The following NLRP1 variants were observed in gnomAD, a reference collection of about 807,000 sequenced individuals.
The protein encoded by NLRP1 is NACHT, LRR and PYD domains-containing protein 1.
NLRP1 carries 94 observed loss-of-function variants against 136.7 expected under a neutral mutation model. That is an observed-to-expected ratio of 0.69 (90% CI 0.58 to 0.82). The LOEUF is 0.82. Ranked by LOEUF, NLRP1 falls within the 40% of genes least tolerant of loss-of-function variation. The pLI is 0.00. For synonymous variants in NLRP1, 690 were observed against 725.1 expected (o/e 0.95, Z 0.78); for missense variants, 1,575 against 1,802.7 (o/e 0.87, Z 2.29).
At position 5,570,781 on chromosome 17, in the gene NLRP1, T is replaced by C. The variant is rs548309562; in HGVS notation, c.653-10738A>G. On this transcript the variant is annotated intron_variant, in intron 3 of 16. Transcript: ENST00000572272. ...TTCTATGAGTTTGGTATCATTCTGATACCGAAACCTGGCAGAGACACAACA... is the reference window on the plus strand; with the variant it reads ...TTCTATGAGTTTGGTATCATTCTGACACCGAAACCTGGCAGAGACACAACA... 2.6e-5 allele frequency among the ~76,000 whole-genome samples: 4 copies of C among 152,224 alleles called. No individual in the cohort carries two copies. In the South Asian group the frequency reaches 8.3e-4, roughly 32 times the overall value.
At chr17:5,518,711 A>T (rs1422441169) in intron 14 of NLRP1, 1 of 147,710 alleles carries the variant, frequency 6.8e-6, no homozygotes. Context: ...TTCATTTTTC[A>T]TAGAGATGAG....
At chr17:5,519,801 C>T (rs576156888) in intron 14 of NLRP1, among the ~76,000 whole-genome samples, 5 of 148,564 alleles carry the variant, frequency 3.4e-5, no homozygotes, top group Admixed American at 6.8e-5. Flanking sequence ...GCTTATCATT[C>T]GTTCTCACCC....
chr17:5,553,434 C>T lies in NLRP1; in HGVS notation c.2480G>A (p.Ser827Asn). The change falls in exon 5 of 17, where the codon AGT becomes AAT. Residue 827 changes from serine (S) to asparagine (N), a missense_variant. Ser to Asn is a conservative substitution (Grantham distance 46). Coordinates refer to ENST00000572272, the MANE Select transcript of NLRP1 (RefSeq NM_033004.4). ...AGGGCGTCTCAGGGTCTTACAAAGA[C>T]TCTTCACTGCAGAGTGGCTCAGCGA... ...GNSLSHSAVK[S>N]LCKTLRRPRC... 6.2e-7 allele frequency: 1 copy of T among 1,614,160 alleles called. No individual in the cohort carries two copies. Among genetic ancestry groups the T allele is most frequent in the Non-Finnish European group, 8.5e-7 (1 of 1,179,994 alleles).
At position 5,504,884 on chromosome 17, in the gene NLRP1, T is replaced by C. The variant is rs1907260523; in HGVS notation, c.4070-3012A>G. 1 of 153,232 alleles carries C rather than the reference T, an allele frequency of 6.5e-6. No homozygotes were observed. Among genetic ancestry groups the C allele is most frequent in the Non-Finnish European group, 1.5e-5 (1 of 68,264 alleles). 9.5% of individuals were successfully genotyped at this position (153,232 alleles called of 1,614,324 possible). On this transcript the variant is annotated intron_variant, in intron 15 of 15. Transcript: ENST00000262467. This position sits in a 1 kb window ranked among gnomAD's most constrained non-coding sequence, Gnocchi z 4.4. ...AGGCAAAATTCACAAAGGCCACTTT[T>C]AGCTCGAAGTGTTCATGCCCAGCTG...
chr17:5,555,589 G>C (rs1913946931), intron 4 of NLRP1, among the ~76,000 whole-genome samples: 1 of 151,968 alleles, frequency 6.6e-6, no homozygotes, highest in South Asian at 2.1e-4. Context: ...GCCTCTAGCT[G>C]CTTGGAACTC....
In NLRP1 at chr17:5,560,001, G is replaced by C. The variant is rs1280920953; in HGVS notation, c.695C>G (p.Pro232Arg). The C allele has an allele frequency of 1.3e-6, 2 of 1,585,544 alleles. No individual in the cohort carries two copies. The highest frequency in any genetic ancestry group is 1.7e-6 in the Non-Finnish European group (2 of 1,168,456). Reference protein sequence around the residue: ...REREKSEKGRPPWAAVVGTPP... With the variant: ...REREKSEKGRRPWAAVVGTPP... ...CGTTCCTACCACCGCTGCCCATGGGGGCCTGCCTTTCTCTGATTTCTCTCT... is the reference window on the plus strand; with the variant it reads ...CGTTCCTACCACCGCTGCCCATGGGCGCCTGCCTTTCTCTGATTTCTCTCT... Residue 232 changes from proline (P) to arginine (R), a missense_variant, in exon 4 of 17, where the codon CCC becomes CGC. Coordinates refer to ENST00000572272, the MANE Select transcript of NLRP1 (RefSeq NM_033004.4).
chr17:5,523,376 G>A (rs961743283), intron 12 of NLRP1, among the ~76,000 whole-genome samples: 1 of 152,140 alleles, frequency 6.6e-6, no homozygotes, highest in Non-Finnish European at 1.5e-5. Context: ...TACAGTAGCT[G>A]TCTCCGTATT....
At chr17:5,581,038 T>G (rs1295190271) in intron 3 of NLRP1, among the ~76,000 whole-genome samples, 1 of 152,240 alleles carries the variant, frequency 6.6e-6, no homozygotes, top group Non-Finnish European at 1.5e-5. Context: ...TAAACTGATA[T>G]ACTTTGAGCC....
intron 16 of NLRP1, 135 bp from the exon 17 acceptor site, chr17:5,515,208 G>T: frequency 2.2e-6 from 2 of 904,564 alleles, no homozygotes; most frequent in Non-Finnish European, 3.4e-6. Context: ...CCTCATGGCA[G>T]CATCTAGCTT....
chr17:5,558,882 A>G lies in NLRP1; in HGVS notation c.1814T>C (p.Leu605Ser), dbSNP rs772509197. ...GLDGAIISTF[L>S]KMGILQEHPI... ...GTGCTCTTGAAGAATACCCATCTTCAAGAAGGTGGAGATGATGGCCCCATC... is the reference window on the plus strand; with the variant it reads ...GTGCTCTTGAAGAATACCCATCTTCGAGAAGGTGGAGATGATGGCCCCATC... The change falls in exon 4 of 17, where the codon TTG becomes TCG. Residue 605 changes from leucine (L) to serine (S), a missense_variant. Physicochemically the swap from Leu to Ser is moderately radical, Grantham distance 145. Coordinates refer to ENST00000572272, the MANE Select transcript of NLRP1 (RefSeq NM_033004.4). 2 of 1,614,062 alleles carry G rather than the reference A, an allele frequency of 1.2e-6. No homozygotes were observed. Among genetic ancestry groups the G allele is most frequent in the Admixed American group, 1.7e-5 (1 of 60,026 alleles).
chr17:5,517,662 A>G (rs1310127088), intron 15 of NLRP1, 84 bp downstream of exon 15: 16 of 1,501,050 alleles, frequency 1.1e-5, no homozygotes, highest in Non-Finnish European at 1.5e-5. Flanking sequence ...CTGGGATTAC[A>G]GGCGTGAGCC....
rs1905957779 is a variant in NLRP1, at chr17:5,583,634, G to A, written c.271+53C>T. 4 of 1,518,128 alleles carry A rather than the reference G, an allele frequency of 2.6e-6. No individual in the cohort carries two copies. The highest frequency in any genetic ancestry group is 2.5e-5 in the South Asian group (2 of 79,986). 94.0% of individuals were successfully genotyped at this position (1,518,128 alleles called of 1,614,324 possible). A position where few individuals can be genotyped will look rare whatever the true frequency, so the allele number is the denominator to read the frequency against. On this transcript the variant is annotated intron_variant, in intron 1 of 16. Coordinates refer to ENST00000572272, the MANE Select transcript of NLRP1 (RefSeq NM_033004.4). The surrounding 1 kb of genome is among the most constrained non-coding windows in gnomAD (Gnocchi z 4.5). ...GGTGGGGTCCCAAGAGGGCAGGGCA[G>A]GCATGAGGGCCAGGGGATGTCCCGC...
chr17:5,558,956 C>G lies in NLRP1; in HGVS notation c.1740G>C (p.Trp580Cys), dbSNP rs1434906509. 5.6e-6 allele frequency: 9 copies of G among 1,613,866 alleles called. No individual in the cohort carries two copies. The highest frequency in any genetic ancestry group is 7.6e-6 in the Non-Finnish European group (9 of 1,179,980). Residue 580 changes from tryptophan (W) to cysteine (C), a missense_variant, in exon 4 of 17, where the codon TGG becomes TGC. Coordinates refer to ENST00000572272, the MANE Select transcript of NLRP1 (RefSeq NM_033004.4). ...CTGGACTGAAAAGGGTCTTTTTTTG[C>G]CAGATGCCCTCAGCAGCCAGAGAGC... is the stretch of plus-strand genomic sequence containing the variant. ...DLCSLAAEGI[W>C]QKKTLFSPDD...
At chr17:5,574,405 T>G (rs1904785300) in intron 3 of NLRP1, among the ~76,000 whole-genome samples, 2 of 152,256 alleles carry the variant, frequency 1.3e-5, no homozygotes, top group Non-Finnish European at 2.9e-5. Context: ...CCAGGAGAAC[T>G]TCCCCAACCT....
chr17:5,584,021 C>T lies in NLRP1; in HGVS notation c.-64G>A. The T allele has an allele frequency of 6.7e-7, 1 of 1,500,674 alleles. No homozygotes were observed. Among genetic ancestry groups the T allele is most frequent in the East Asian group, 2.3e-5 (1 of 43,388 alleles). 93.0% of individuals were successfully genotyped at this position (1,500,674 alleles called of 1,614,324 possible). A position where few individuals can be genotyped will look rare whatever the true frequency, so the allele number is the denominator to read the frequency against. ...CCAGGTGGTGAGGGTATCAGGCAGG[C>T]AGAGAACAGTGCTGTCCTTTGCCTT... On this transcript the variant is annotated 5_prime_UTR_variant, in exon 1 of 17. Transcript: ENST00000572272.
chr17:5,501,739 G>T, exon 16 of NLRP1: 1 of 1,196,400 alleles, frequency 8.4e-7, no homozygotes, highest in Non-Finnish European at 1.2e-6. Context: ...AGACCCACCT[G>T]CGGTCTACTC....
chr17:5,541,566 C>T lies in NLRP1; in HGVS notation c.2699+291G>A, dbSNP rs1435035610. ...TGAAGTGGGCACGATTATCATCATCCTCTGTGGTAGTCTGTGAAAATGGCC... is the reference window on the plus strand; with the variant it reads ...TGAAGTGGGCACGATTATCATCATCTTCTGTGGTAGTCTGTGAAAATGGCC... On this transcript the variant is annotated intron_variant, in intron 6 of 16. Transcript: ENST00000572272. This position sits in a 1 kb window ranked among gnomAD's most constrained non-coding sequence, Gnocchi z 4.2. Among the ~76,000 whole-genome samples the T allele has an allele frequency of 1.3e-5, 2 of 152,204 alleles. No individual in the cohort carries two copies. The highest frequency in any genetic ancestry group is 4.8e-5 in the African/African-American group (2 of 41,450).
At chr17:5,506,972 A>G (rs1266969935) in intron 15 of NLRP1, among the ~76,000 whole-genome samples, 1 of 151,784 alleles carries the variant, frequency 6.6e-6, no homozygotes, top group Non-Finnish European at 1.5e-5. Context: ...ACACTTTGTG[A>G]TAAGTGAAAG....
At chr17:5,530,876 C>T (rs1910147522) in intron 11 of NLRP1, among the ~76,000 whole-genome samples, 172 bp from the exon 12 acceptor site, 1 of 152,178 alleles carries the variant, frequency 6.6e-6, no homozygotes, top group South Asian at 2.1e-4. Flanking sequence ...GACTGTGGAT[C>T]CCTGAGCAAG....
Sources: gnomAD v4.1 joint callset for allele counts (sites outside exome capture counted in the v4.1 genomes callset) on GRCh38, gnomAD v4.1.1 for gene constraint, Gnocchi (gnomAD v3.1) non-coding constraint, MANE v1.5 for transcripts, NCBI Gene and HGNC (gene_info 2026-07-23, HGNC 2026-07-21) for gene names.